Variants in GPC5 observed in about 807,000 individuals in gnomAD.
GPC5 encodes the protein glypican 5.
Under a neutral mutation model 53.9 loss-of-function variants are expected in GPC5, and 47 were observed. The ratio of observed to expected loss-of-function variants is 0.87; its 90% CI spans 0.69 to 1.11. The LOEUF (loss-of-function observed/expected upper bound fraction) is 1.11. Ranked by LOEUF, GPC5 falls within the 50% of genes most tolerant of loss-of-function variation. The probability of loss-of-function intolerance (pLI) is 0.00; values close to 1 mark genes in which losing one functional copy is unlikely to be tolerated. For synonymous variants in GPC5, 286 were observed against 263.3 expected (o/e 1.09, Z -0.84); for missense variants, 748 against 713.1 (o/e 1.05, Z -0.56).
chr13:92,090,480 G>A (rs1157328932), intron 6 of GPC5, among the ~76,000 whole-genome samples: 2 of 152,074 alleles, frequency 1.3e-5, no homozygotes, highest in Non-Finnish European at 2.9e-5. Context: ...GGAAGAGATG[G>A]CAATTCATGA....
chr13:92,514,082 A>G (rs1880679845), intron 7 of GPC5, among the ~76,000 whole-genome samples: 1 of 151,966 alleles, frequency 6.6e-6, no homozygotes, highest in Non-Finnish European at 1.5e-5. Context: ...CTAAAAAAAT[A>G]TAAAAACTAA....
rs192983189 is a variant in GPC5, at chr13:92,041,579, G to C, written c.1402-103251G>C. On this transcript the variant is annotated intron_variant, in intron 6 of 7. Coordinates refer to ENST00000377067, the MANE Select transcript of GPC5 (RefSeq NM_004466.6). ...CTCATCCCTGACAGTCTAGAAAACT[G>C]CCTGCCCCCCTAAAGCTGTGTCCAT... 2.0e-3 allele frequency among the ~76,000 whole-genome samples: 300 copies of C among 152,294 alleles called. 2 individuals carry two copies. Among genetic ancestry groups the C allele is most frequent in the Middle Eastern group, 6.8e-3 (2 of 294 alleles).
intron 7 of GPC5, among the ~76,000 whole-genome samples, chr13:92,457,969 T>C (rs1878336402): frequency 1.3e-5 from 2 of 152,160 alleles, no homozygotes; most frequent in African/African-American, 4.8e-5. Flanking sequence ...TGTCCCGGCA[T>C]GCTGTTGCTA....
chr13:91,519,552 A>G lies in GPC5; in HGVS notation c.325+70630A>G, dbSNP rs546672387. ...TCTGTCTCCTTCTTCGGCCATGTGAAGATGTGTCTACTTCCCCTTTGCTTT... is the reference window on the plus strand; with the variant it reads ...TCTGTCTCCTTCTTCGGCCATGTGAGGATGTGTCTACTTCCCCTTTGCTTT... On this transcript the variant is annotated intron_variant, in intron 2 of 7. Coordinates refer to ENST00000377067, the MANE Select transcript of GPC5 (RefSeq NM_004466.6). Among the ~76,000 whole-genome samples the G allele has an allele frequency of 4.6e-5, 7 of 152,290 alleles. No homozygotes were observed. In the South Asian group the frequency reaches 8.3e-4, roughly 18 times the overall value.
intron 7 of GPC5, among the ~76,000 whole-genome samples, chr13:92,239,171 A>G (rs1300022415): frequency 2.0e-5 from 3 of 149,514 alleles, no homozygotes; most frequent in Non-Finnish European, 4.5e-5. Flanking sequence ...TTTTTTCAAG[A>G]TTCTACTGGC....
chr13:92,148,225 T>G (rs1811798062), intron 7 of GPC5, among the ~76,000 whole-genome samples: 1 of 152,106 alleles, frequency 6.6e-6, no homozygotes, highest in South Asian at 2.1e-4. Flanking sequence ...GATTCTGCCC[T>G]ATTTATGCAA....
chr13:91,625,090 A>G (rs2033962963), intron 2 of GPC5, among the ~76,000 whole-genome samples: 1 of 151,988 alleles, frequency 6.6e-6, no homozygotes, highest in South Asian at 2.1e-4. Context: ...AAGAAAATCA[A>G]TAAGAACCCT....
chr13:91,512,564 G>A (rs927440062), intron 2 of GPC5, among the ~76,000 whole-genome samples: 5 of 152,192 alleles, frequency 3.3e-5, no homozygotes, highest in African/African-American at 1.2e-4. Flanking sequence ...TGCACACCTC[G>A]AGGTGGGTCA....
intron 7 of GPC5, among the ~76,000 whole-genome samples, chr13:92,214,167 G>A (rs1301092234): frequency 6.6e-6 from 1 of 152,054 alleles, no homozygotes; most frequent in Admixed American, 6.5e-5. Flanking sequence ...TGTCCTTCAC[G>A]TGAAAATCAA....
At chr13:91,730,168 C>T (rs979043638) in intron 4 of GPC5, among the ~76,000 whole-genome samples, 1 of 152,206 alleles carries the variant, frequency 6.6e-6, no homozygotes, top group Admixed American at 6.5e-5. Context: ...CAATTTTACA[C>T]TAATTTTTAT....
intron 5 of GPC5, among the ~76,000 whole-genome samples, chr13:91,904,140 C>CTTTTTTTTT (rs57293387): frequency 1.8e-4 from 17 of 94,648 alleles, no homozygotes; most frequent in Non-Finnish European, 2.4e-4. Flanking sequence ...TCTTTTCTTT[C>CTTTTTTTTT]TTTTTTTTTT....
intron 6 of GPC5, among the ~76,000 whole-genome samples, chr13:91,909,126 A>T (rs575938848): frequency 2.9e-4 from 44 of 152,208 alleles, no homozygotes; most frequent in Non-Finnish European, 5.6e-4. Context: ...TCTACCATTG[A>T]TACCTGTAGA....
chr13:92,088,714 A>G (rs1009711774), intron 6 of GPC5, among the ~76,000 whole-genome samples: 2 of 152,144 alleles, frequency 1.3e-5, no homozygotes, highest in Non-Finnish European at 2.9e-5. Flanking sequence ...CTCTGTGTAT[A>G]TATATCACAT....
intron 2 of GPC5, among the ~76,000 whole-genome samples, chr13:91,561,125 A>G (rs948865819): frequency 3.9e-5 from 6 of 152,194 alleles, no homozygotes; most frequent in Non-Finnish European, 7.3e-5. Context: ...AGGAGTTTAC[A>G]GTGGCCAGAA....
At chr13:92,431,925 G>T (rs145802888) in intron 7 of GPC5, among the ~76,000 whole-genome samples, 32 of 152,322 alleles carry the variant, frequency 2.1e-4, no homozygotes, top group African/African-American at 7.2e-4. Context: ...CTGGCAGATT[G>T]TAGGAAGTTG....
At chr13:92,383,902 A>G (rs2139311709) in intron 7 of GPC5, among the ~76,000 whole-genome samples, 1 of 152,318 alleles carries the variant, frequency 6.6e-6, no homozygotes, top group South Asian at 2.1e-4. Context: ...ACTTTTCCCC[A>G]GAGAATGAAA....
intron 7 of GPC5, among the ~76,000 whole-genome samples, chr13:92,264,874 CTCTCTGTGTGTGTGTGTGTG>C (rs1316916236): frequency 8.6e-6 from 1 of 116,568 alleles, no homozygotes; most frequent in Non-Finnish European, 1.7e-5. Flanking sequence ...CTCTCTCTCT[CTCTCTGTGTGTGTGTGTGTG>C]TGTGTGTGTG....
intron 7 of GPC5, among the ~76,000 whole-genome samples, chr13:92,390,126 C>G (rs1024868526): frequency 6.6e-6 from 1 of 152,070 alleles, no homozygotes; most frequent in Non-Finnish European, 1.5e-5. Flanking sequence ...ATTTACAGTG[C>G]AAACCACAAG....
intron 7 of GPC5, among the ~76,000 whole-genome samples, chr13:92,256,800 G>A (rs1203491603): frequency 2.0e-5 from 3 of 148,856 alleles, no homozygotes; most frequent in African/African-American, 5.0e-5. Flanking sequence ...TTCCCTCATC[G>A]TTTTGAAAAC....
Sources: gnomAD v4.1 joint callset for allele counts (sites outside exome capture counted in the v4.1 genomes callset) on GRCh38, gnomAD v4.1.1 for gene constraint, MANE v1.5 for transcripts, NCBI Gene and HGNC (gene_info 2026-07-23, HGNC 2026-07-21) for gene names.